GALNT9: variants seen among roughly 807,000 people sequenced by gnomAD.
GALNT9 encodes the protein polypeptide N-acetylgalactosaminyltransferase 9.
A neutral mutation model predicts 63.1 loss-of-function variants in GALNT9; 47 were observed. That is an observed-to-expected ratio of 0.75 (90% CI 0.59 to 0.95). GALNT9 has a LOEUF of 0.95. Among genes scored for constraint, GALNT9 ranks in the 40% least tolerant of loss-of-function variants. The probability of loss-of-function intolerance (pLI) is 0.00; values close to 1 mark genes in which losing one functional copy is unlikely to be tolerated. For synonymous variants in GALNT9, 396 were observed against 365.7 expected, an observed-to-expected ratio of 1.08 and a Z score of -0.94; for missense variants, 829 against 874.8, an observed-to-expected ratio of 0.95 and a Z score of 0.66.
At chr12:132,300,160 C>T (rs1009778073) in intron 1 of GALNT9, among the ~76,000 whole-genome samples, 2 of 149,328 alleles carry the variant, frequency 1.3e-5, no homozygotes, top group African/African-American at 4.9e-5. Context: ...CAAGCCACTC[C>T]TGAGATAACT....
At position 132,236,207 on chromosome 12, in the gene GALNT9, C is replaced by T. The variant is rs1877994548; in HGVS notation, c.1077+11703G>A. On this transcript the variant is annotated intron_variant, in intron 6 of 10. Coordinates refer to ENST00000328957, the MANE Select transcript of GALNT9 (RefSeq NM_001122636.2). The surrounding 1 kb of genome is among the most constrained non-coding windows in gnomAD (Gnocchi z 5.6). Reference sequence around the variant, plus strand: ...TTCAAATACAAGCAAATGCCAGCCTCCCTCCCCCAGGCATCGATCTCGTGA... The same window carrying T: ...TTCAAATACAAGCAAATGCCAGCCTTCCTCCCCCAGGCATCGATCTCGTGA... Among the ~76,000 whole-genome samples the T allele has an allele frequency of 6.6e-6, 1 of 152,132 alleles. No individual in the cohort carries two copies. The highest frequency in any genetic ancestry group is 2.1e-4 in the South Asian group (1 of 4,830).
intron 2 of GALNT9, among the ~76,000 whole-genome samples, chr12:132,271,508 C>A (rs1402816642): frequency 6.6e-6 from 1 of 152,230 alleles, no homozygotes; most frequent in Non-Finnish European, 1.5e-5. Context: ...AAGCCTCCCT[C>A]CGACGCCCAC....
chr12:132,276,653 C>A, intron 2 of GALNT9: 1 of 153,892 alleles, frequency 6.5e-6, no homozygotes. Context: ...GACGGCTTCT[C>A]GGATAAGGTC....
Position 132,328,828 on chromosome 12 carries a change from C to CCTCTCCT in GALNT9, c.238+131_238+137dup. ...GCTGAAGGGGCTTCCGCGGCCCTTC[C>CCTCTCCT]CTCTCCTCTCTCCTGTATATTCCCT... On this transcript the variant is annotated intron_variant, in intron 1 of 10. Transcript: ENST00000328957. The CCTCTCCT allele has an allele frequency of 3.6e-6, 4 of 1,107,618 alleles. No homozygotes were observed. In the East Asian group the frequency reaches 9.4e-5, roughly 26 times the overall value. 68.6% of individuals were successfully genotyped at this position (1,107,618 alleles called of 1,614,324 possible).
At chr12:132,309,657 T>G (rs1296800663) in intron 1 of GALNT9, among the ~76,000 whole-genome samples, 2 of 152,190 alleles carry the variant, frequency 1.3e-5, no homozygotes, top group African/African-American at 2.4e-5. Context: ...AGGACAGGCC[T>G]GCAGCAGACC....
At position 132,266,922 on chromosome 12, in the gene GALNT9, C is replaced by T. The variant is rs527549168; in HGVS notation, c.420-4297G>A. Among the ~76,000 whole-genome samples, 8 of 152,260 alleles carry T rather than the reference C, an allele frequency of 5.3e-5. No homozygotes were observed. In the South Asian group the frequency reaches 1.7e-3, roughly 32 times the overall value. On this transcript the variant is annotated intron_variant, in intron 2 of 10. Transcript: ENST00000328957. ...TGCTGTCCCTAAACAGGCTCAGGGT[C>T]TCCCTTGGCTGGGGGCAGAGACTCA...
At chr12:132,261,796 G>C (rs1879398199) in intron 3 of GALNT9, among the ~76,000 whole-genome samples, 1 of 152,250 alleles carries the variant, frequency 6.6e-6, no homozygotes, top group Non-Finnish European at 1.5e-5. Context: ...CTGCGCCTGG[G>C]AAGGGCAGAT....
chr12:132,283,391 C>T (rs1027936210), intron 2 of GALNT9: 1 of 152,362 alleles, frequency 6.6e-6, no homozygotes, highest in East Asian at 1.9e-4. Context: ...CTTCCTCTGT[C>T]AGATGGCTCT....
rs1009302572 is a variant in GALNT9 at position 132,196,662 on chromosome 12, G to C, written c.*445C>G. 1 of 1,001,208 alleles carries C rather than the reference G, an allele frequency of 1.0e-6. No homozygotes were observed. The highest frequency in any genetic ancestry group is 1.2e-6 in the Non-Finnish European group (1 of 839,970). 62.0% of individuals were successfully genotyped at this position (1,001,208 alleles called of 1,614,324 possible). A position where few individuals can be genotyped will look rare whatever the true frequency, so the allele number is the denominator to read the frequency against. Reference sequence around the variant, plus strand: ...TGATGTGTGACTTAGGTCTTGGTTGGAGGGCTGAGCGGCCGCAAGTGCTGG... The same window carrying C: ...TGATGTGTGACTTAGGTCTTGGTTGCAGGGCTGAGCGGCCGCAAGTGCTGG... On this transcript the variant is annotated 3_prime_UTR_variant, in exon 11 of 11. Transcript: ENST00000328957.
At chr12:132,276,382 A>G (rs535414499) in intron 2 of GALNT9, 2 of 155,024 alleles carry the variant, frequency 1.3e-5, no homozygotes, top group Admixed American at 6.5e-5. Flanking sequence ...TATCTCCACG[A>G]TGGTACCTGG....
At chr12:132,235,543 TGAAG>T (rs1877971556) in intron 6 of GALNT9, among the ~76,000 whole-genome samples, 1 of 151,970 alleles carries the variant, frequency 6.6e-6, no homozygotes, top group Non-Finnish European at 1.5e-5. Context: ...CAAACCCCCT[TGAAG>T]TGCCCCTCCA....
chr12:132,208,289 G>A (rs926531736), intron 6 of GALNT9, among the ~76,000 whole-genome samples: 3 of 152,176 alleles, frequency 2.0e-5, no homozygotes, highest in Non-Finnish European at 2.9e-5. Flanking sequence ...CAGGAGGCCC[G>A]GGCCCCTCCC....
chr12:132,281,929 G>A (rs1414470924), intron 2 of GALNT9, among the ~76,000 whole-genome samples: 3 of 146,200 alleles, frequency 2.1e-5, no homozygotes, highest in African/African-American at 7.7e-5. Context: ...CCACAGAGGA[G>A]GAATCAGCTC....
intron 3 of GALNT9, 33 bp downstream of exon 3, chr12:132,262,426 G>A (rs782572030): frequency 1.8e-4 from 270 of 1,533,768 alleles, no homozygotes; most frequent in Non-Finnish European, 2.2e-4. Flanking sequence ...GCAGCCGCCC[G>A]GCGAGCACCG....
intron 6 of GALNT9, among the ~76,000 whole-genome samples, chr12:132,211,487 C>G (rs775139933): frequency 1.3e-5 from 2 of 152,186 alleles, no homozygotes; most frequent in Non-Finnish European, 2.9e-5. Context: ...GAGGAGGCAA[C>G]CTCGTGTCTA....
chr12:132,202,315 A>G (rs1360769215), intron 7 of GALNT9, among the ~76,000 whole-genome samples: 2 of 152,218 alleles, frequency 1.3e-5, no homozygotes, highest in Non-Finnish European at 2.9e-5. Context: ...CATGGAAAAC[A>G]AGGCTGTAGG....
chr12:132,225,073 ACAC>A (rs1877599458), intron 6 of GALNT9, among the ~76,000 whole-genome samples: 1 of 108,854 alleles, frequency 9.2e-6, no homozygotes, highest in Non-Finnish European at 1.8e-5. Flanking sequence ...ACCCCCCCAC[ACAC>A]AACCCACATG....
chr12:132,250,460 T>G (rs1337388403), intron 5 of GALNT9, among the ~76,000 whole-genome samples: 1 of 152,148 alleles, frequency 6.6e-6, no homozygotes, highest in Non-Finnish European at 1.5e-5. Context: ...AATGGCCCAT[T>G]GAGTGCTTTG....
chr12:132,321,294 A>C (rs1326353082), intron 1 of GALNT9, among the ~76,000 whole-genome samples: 1 of 151,836 alleles, frequency 6.6e-6, no homozygotes, highest in Non-Finnish European at 1.5e-5. Context: ...ATGGTACACC[A>C]GCTGCTCCGG....
Sources: gnomAD v4.1 joint callset for allele counts (sites outside exome capture counted in the v4.1 genomes callset) on GRCh38, gnomAD v4.1.1 for gene constraint, Gnocchi (gnomAD v3.1) non-coding constraint, MANE v1.5 for transcripts, NCBI Gene and HGNC (gene_info 2026-07-23, HGNC 2026-07-21) for gene names.